MYBPC2: variants seen among roughly 807,000 people sequenced by gnomAD.
MYBPC2 encodes myosin binding protein C2.
In MYBPC2, 122 loss-of-function variants were observed where a neutral mutation model predicts 137.0. That is an observed-to-expected ratio of 0.89 (90% CI 0.77 to 1.03). The LOEUF is 1.03. MYBPC2 is among the 50% of genes least tolerant of loss of function. The pLI is 0.00. For missense variants in MYBPC2, 1,500 were observed against 1,534.4 expected (o/e 0.98, Z 0.37); for synonymous variants, 626 against 612.3 (o/e 1.02, Z -0.33).
At chr19:50,440,766 C>T (rs1379245048) in intron 7 of MYBPC2, 114 bp from the exon 8 acceptor site, 1 of 1,048,368 alleles carries the variant, frequency 9.5e-7, no homozygotes, top group East Asian at 2.6e-5. Flanking sequence ...AACAATAAGA[C>T]CCCTAAAGGG....
At position 50,448,354 on chromosome 19, in the gene MYBPC2, G is replaced by A. The variant is rs367620888; in HGVS notation, c.1436G>A (p.Arg479Gln). Residue 479 changes from arginine (R) to glutamine (Q), a missense_variant, in exon 13 of 28, where the codon CGG (arginine) becomes CAG (glutamine). Coordinates refer to ENST00000357701, the MANE Select transcript of MYBPC2 (RefSeq NM_004533.4). ...TGGTATAAGAATGGGGTCGAGGTGCGGCCCAGCAAGAGGATCACCATTTCC... is the reference window on the plus strand; with the variant it reads ...TGGTATAAGAATGGGGTCGAGGTGCAGCCCAGCAAGAGGATCACCATTTCC... ...GKWYKNGVEVRPSKRITISHV... is the reference protein window; with the variant it reads ...GKWYKNGVEVQPSKRITISHV... 94 of 1,613,682 alleles carry A rather than the reference G, an allele frequency of 5.8e-5. No homozygotes were observed. The highest frequency in any genetic ancestry group is 9.3e-5 in the African/African-American group (7 of 74,918).
Position 50,465,159 on chromosome 19 carries a change from C to T in MYBPC2, c.3415+627C>T, listed in dbSNP as rs1361515974. On this transcript the variant is annotated intron_variant, in intron 27 of 27. Coordinates refer to ENST00000357701, the MANE Select transcript of MYBPC2 (RefSeq NM_004533.4). This position sits in a 1 kb window ranked among gnomAD's most constrained non-coding sequence, Gnocchi z 4.5. ...GCTCTGCCCCAGCCCTGATCCCAGC[C>T]CGCTGGGGACTCCCCACCGCCCCAG... 5.9e-5 allele frequency among the ~76,000 whole-genome samples: 9 copies of T among 152,044 alleles called. No homozygotes were observed. Among genetic ancestry groups the T allele is most frequent in the African/African-American group, 1.9e-4 (8 of 41,404 alleles).
chr19:50,451,752 T>A, intron 15 of MYBPC2, 112 bp from the exon 16 acceptor site: 1 of 1,452,766 alleles, frequency 6.9e-7, no homozygotes. Flanking sequence ...AGGACATGGA[T>A]CCCTGTGTCT....
chr19:50,464,281 C>A, intron 26 of MYBPC2, 65 bp from the exon 27 acceptor site: 2 of 1,451,600 alleles, frequency 1.4e-6, no homozygotes, highest in Middle Eastern at 1.8e-4. Context: ...TTCCTGAGCC[C>A]CATTTTGTCA....
At chr19:50,451,658 G>T (rs1351517156) in intron 15 of MYBPC2, among the ~76,000 whole-genome samples, 2 of 150,358 alleles carry the variant, frequency 1.3e-5, no homozygotes, top group Non-Finnish European at 3.0e-5. Context: ...GTATGAGGGA[G>T]GAGGGGCTGG....
chr19:50,453,946 G>C, intron 16 of MYBPC2, 74 bp from the exon 17 acceptor site: 1 of 1,479,438 alleles, frequency 6.8e-7, no homozygotes, highest in Non-Finnish European at 9.1e-7. Flanking sequence ...TTCTGAGCAG[G>C]GGAATGGCAG....
chr19:50,440,955 G>T lies in MYBPC2; in HGVS notation c.648G>T (p.Glu216Asp). 2 of 1,613,824 alleles carry T rather than the reference G, an allele frequency of 1.2e-6. No homozygotes were observed. Among genetic ancestry groups the T allele is most frequent in the African/African-American group, 1.3e-5 (1 of 75,022 alleles). ...TAGGCATCCCCCCGGAGATTTGGGA[G>T]CTCCTGAAAGGGGCAAAGAAGAGCG... The part of the protein sequence containing the change: ...DDLGIPPEIW[E>D]LLKGAKKSEY... Residue 216 changes from glutamate to aspartate, a missense_variant, in exon 8 of 28, where the codon GAG (glutamate) becomes GAT (aspartate). Physicochemically the swap from Glu to Asp is conservative, Grantham distance 45. Coordinates refer to ENST00000357701, the MANE Select transcript of MYBPC2 (RefSeq NM_004533.4).
rs765476587 is a variant in MYBPC2, at chr19:50,435,823, G to A, written c.157G>A (p.Val53Ile). The A allele has an allele frequency of 2.6e-5, 42 of 1,610,282 alleles. No individual in the cohort carries two copies. Among genetic ancestry groups the A allele is most frequent in the Admixed American group, 8.4e-5 (5 of 59,642 alleles). ...CCCGACTGCAGAGGAGCCCACCGGC[G>A]TTTTCCTGAAGAAGCCGGACTCCGT... The part of the protein sequence containing the change: ...QSPTAEEPTG[V>I]FLKKPDSVSV... The change falls in exon 3 of 28, where the codon GTT becomes ATT. Residue 53 changes from valine to isoleucine, a missense_variant. Val to Ile is a conservative substitution (Grantham distance 29). Transcript: ENST00000357701. The surrounding 1 kb of genome is among the most constrained non-coding windows in gnomAD (Gnocchi z 4.8).
Position 50,440,880 on chromosome 19 carries a change from G to A in MYBPC2, c.573G>A (p.Arg191=), listed in dbSNP as rs568422087. 6.8e-6 allele frequency: 11 copies of A among 1,611,756 alleles called. No individual in the cohort carries two copies. In the East Asian group the frequency reaches 2.0e-4, roughly 29 times the overall value. ...CCCTGTCCGTTCCCCCACCCGCCAG[G>A]GAGGTGGTGGAGGAGGAGAAGAAGA... ...ELDFSGLLKK[R]EVVEEEKKKK... The change falls in exon 8 of 28, where the codon AGG becomes AGA. Residue 191 remains arginine, a splice_region_variant and synonymous_variant. Coordinates refer to ENST00000357701, the MANE Select transcript of MYBPC2 (RefSeq NM_004533.4).
intron 14 of MYBPC2, 129 bp downstream of exon 14, chr19:50,451,064 C>T (rs1352569817): frequency 1.5e-5 from 15 of 1,026,780 alleles, no homozygotes; most frequent in South Asian, 1.1e-4. Context: ...GCGTCTGTCC[C>T]GCTCATGGCT....
intron 26 of MYBPC2, among the ~76,000 whole-genome samples, chr19:50,462,806 C>T (rs2039983264): frequency 6.6e-6 from 1 of 152,292 alleles, no homozygotes; most frequent in African/African-American, 2.4e-5. Flanking sequence ...GCCTCAGCCT[C>T]CCAAAGTGCT....
intron 9 of MYBPC2, 79 bp downstream of exon 9, chr19:50,442,392 T>C (rs543137935): frequency 9.1e-6 from 14 of 1,537,608 alleles, no homozygotes; most frequent in African/African-American, 2.7e-5. Context: ...CCTATCACTC[T>C]TAACCAGAAA....
In MYBPC2 at chr19:50,436,610, G is replaced by C; in HGVS notation, c.346-7G>C. 1.4e-5 allele frequency: 22 copies of C among 1,612,486 alleles called. No homozygotes were observed. Among genetic ancestry groups the C allele is most frequent in the Non-Finnish European group, 1.8e-5 (21 of 1,178,772 alleles). ...CCGTGCACCCACACCCCCGGCCCTG[G>C]ACCCAGGTGTACACCGTGGAGCTGC... On this transcript the variant is annotated splice_polypyrimidine_tract_variant and splice_region_variant and intron_variant, in intron 4 of 27. Transcript: ENST00000357701.
chr19:50,456,597 A>ATTT (rs201042875), intron 20 of MYBPC2, among the ~76,000 whole-genome samples: 1 of 146,760 alleles, frequency 6.8e-6, no homozygotes, highest in Non-Finnish European at 1.5e-5. Context: ...TGCCCAGCTA[A>ATTT]TTTTTTTTTT....
In MYBPC2 at chr19:50,459,194, C is replaced by T. The variant is rs1211717458; in HGVS notation, c.2679C>T (p.Phe893=). 2 of 1,609,602 alleles carry T rather than the reference C, an allele frequency of 1.2e-6. No homozygotes were observed. Among genetic ancestry groups the T allele is most frequent in the South Asian group, 1.1e-5 (1 of 90,552 alleles). Residue 893 remains phenylalanine (F), a synonymous_variant, in exon 23 of 28, where the codon TTC becomes TTT. Transcript: ENST00000357701. ...GCGTGCACGTGCGGACCAGCGACTT[C>T]GACACCGTGTTCTTCGTGCGCCAGG... is the stretch of plus-strand genomic sequence containing the variant. ...TSRVHVRTSD[F]DTVFFVRQAA... is the part of the protein sequence containing the mutation.
In MYBPC2 at chr19:50,466,132, T is replaced by C; in HGVS notation, c.3416-63T>C. On this transcript the variant is annotated intron_variant, in intron 27 of 27. Transcript: ENST00000357701. The surrounding 1 kb of genome is among the most constrained non-coding windows in gnomAD (Gnocchi z 4.9). ...CTGGTCATGTGGATGCAGCTCCTCC[T>C]CCTGGGGCTTCAGGAGGAGGCGTGC... is the stretch of plus-strand genomic sequence containing the variant. 3 of 1,610,392 alleles carry C rather than the reference T, an allele frequency of 1.9e-6. No homozygotes were observed. Among genetic ancestry groups the C allele is most frequent in the Non-Finnish European group, 2.5e-6 (3 of 1,178,944 alleles).
chr19:50,436,468 C>T, intron 4 of MYBPC2, 149 bp from the exon 5 acceptor site: 1 of 766,782 alleles, frequency 1.3e-6, no homozygotes, highest in Non-Finnish European at 2.1e-6. Context: ...GAGCTGGCCA[C>T]CAGGTGCTGA....
rs142696126 is a variant in MYBPC2, at chr19:50,452,562, A to G, written c.1749+559A>G. 4.0e-3 allele frequency among the ~76,000 whole-genome samples: 607 copies of G among 151,742 alleles called. 5 individuals are homozygous for G. The highest frequency in any genetic ancestry group is 0.014 in the African/African-American group (582 of 41,310). ...TATGTATCTATCTATCTATCTATGT[A>G]TCTATATTTTTGAAAGGTGGAATCT... On this transcript the variant is annotated intron_variant, in intron 16 of 27. Transcript: ENST00000357701.
At chr19:50,451,778 C>T in intron 15 of MYBPC2, 86 bp from the exon 16 acceptor site, 2 of 1,533,154 alleles carry the variant, frequency 1.3e-6, no homozygotes, top group Non-Finnish European at 1.8e-6. Context: ...ACTGTTGGAA[C>T]CCAACTTTTT....
Sources: allele counts gnomAD v4.1 joint callset (sites outside exome capture counted in the v4.1 genomes callset), GRCh38; gene constraint gnomAD v4.1.1; non-coding constraint Gnocchi (gnomAD v3.1); transcripts MANE v1.5; gene names NCBI Gene and HGNC (gene_info 2026-07-23, HGNC 2026-07-21).